The following GMPS variants were observed in gnomAD, a reference collection of about 807,000 sequenced individuals.
The protein encoded by GMPS is guanosine monophosphate synthase, also known as GMP synthase [glutamine-hydrolyzing].
A neutral mutation model predicts 77.9 loss-of-function variants in GMPS; 15 were observed. That is an observed-to-expected ratio of 0.19 (90% CI 0.13 to 0.30). The LOEUF (loss-of-function observed/expected upper bound fraction) is 0.30. Ranked by LOEUF, GMPS falls within the 10% of genes least tolerant of loss-of-function variation. The pLI, the probability that GMPS is intolerant of heterozygous loss-of-function variation, is 1.00. For synonymous variants in GMPS, 224 were observed against 275.9 expected (o/e 0.81, Z 1.86); for missense variants, 590 against 838.8 (o/e 0.70, Z 3.66).
chr3:155,874,101 G>A (rs1334680846), intron 1 of GMPS, among the ~76,000 whole-genome samples: 6 of 152,170 alleles, frequency 3.9e-5, no homozygotes, highest in Admixed American at 3.9e-4. Flanking sequence ...CATCCTCACA[G>A]CATAGGTGAT....
upstream of GMPS, chr3:155,870,521 C>A: frequency 4.2e-6 from 1 of 236,232 alleles, no homozygotes. Flanking sequence ...CCGGGCGCCG[C>A]GAGCCCCTCC....
Position 155,897,996 on chromosome 3 carries a change from A to G in GMPS, c.279A>G (p.Ile93Met), listed in dbSNP as rs201129196. ...AEDAPWFDPA[I>M]FTIGKPVLGI... ...ATGCTCCCTGGTTTGATCCAGCAATATTCACTATTGGCAAGCCTGTTCTTG... is the reference window on the plus strand; with the variant it reads ...ATGCTCCCTGGTTTGATCCAGCAATGTTCACTATTGGCAAGCCTGTTCTTG... The change falls in exon 3 of 16, where the codon ATA becomes ATG. Residue 93 changes from isoleucine (I) to methionine (M), a missense_variant. Physicochemically the swap from Ile to Met is conservative, Grantham distance 10. Coordinates refer to ENST00000496455, the MANE Select transcript of GMPS (RefSeq NM_003875.3). 155 of 1,611,314 alleles carry G rather than the reference A, an allele frequency of 9.6e-5. No individual in the cohort carries two copies. In the African/African-American group the frequency reaches 1.9e-3, roughly 20 times the overall value.
chr3:155,900,672 G>T (rs1754714161), intron 3 of GMPS, among the ~76,000 whole-genome samples: 2 of 152,088 alleles, frequency 1.3e-5, no homozygotes, highest in African/African-American at 4.8e-5. Flanking sequence ...CATTCACTAG[G>T]ATGTTTTATA....
intron 1 of GMPS, among the ~76,000 whole-genome samples, chr3:155,887,658 T>A (rs962075389): frequency 1.3e-5 from 2 of 152,236 alleles, no homozygotes; most frequent in Non-Finnish European, 1.5e-5. Context: ...GGGAAACTTA[T>A]ATGTAGATAA....
At chr3:155,922,870 G>T (rs116742564) in intron 11 of GMPS, among the ~76,000 whole-genome samples, 1 of 152,146 alleles carries the variant, frequency 6.6e-6, no homozygotes, top group East Asian at 1.9e-4. Context: ...AAATTGCAAC[G>T]AAATAATTTT....
intron 14 of GMPS, 118 bp from the exon 15 acceptor site, chr3:155,936,220 C>T (rs928793790): frequency 1.1e-5 from 7 of 658,796 alleles, no homozygotes; most frequent in African/African-American, 1.8e-5. Flanking sequence ...TGATGACAGT[C>T]TTAACTACGC....
intron 12 of GMPS, 33 bp downstream of exon 12, chr3:155,925,399 A>AC (rs1180038031): frequency 2.7e-6 from 4 of 1,488,956 alleles, no homozygotes; most frequent in Non-Finnish European, 3.6e-6. Flanking sequence ...CCAGTGATAT[A>AC]CTTTTTTTTT....
chr3:155,908,513 G>C (rs890124452), intron 5 of GMPS, among the ~76,000 whole-genome samples: 1 of 152,224 alleles, frequency 6.6e-6, no homozygotes, highest in African/African-American at 2.4e-5. Flanking sequence ...AGAAGAGGAA[G>C]TTGTTAGGAC....
intron 5 of GMPS, among the ~76,000 whole-genome samples, chr3:155,909,401 A>G (rs890492178): frequency 1.1e-4 from 16 of 152,230 alleles, no homozygotes; most frequent in African/African-American, 3.6e-4. Context: ...TTTGAAAGCC[A>G]TGTGCAACTG....
chr3:155,931,931 T>C, intron 13 of GMPS, 51 bp downstream of exon 13: 1 of 815,168 alleles, frequency 1.2e-6, no homozygotes, highest in Non-Finnish European at 2.1e-6. Flanking sequence ...AAGGATGTAT[T>C]TCTTAAGGGC....
At chr3:155,918,119 C>T in intron 9 of GMPS, among the ~76,000 whole-genome samples, 1 of 151,902 alleles carries the variant, frequency 6.6e-6, no homozygotes, top group East Asian at 1.9e-4. Context: ...TTGTTATTTT[C>T]TATTTTTTTA....
chr3:155,918,910 A>G (rs1755252100), intron 9 of GMPS, among the ~76,000 whole-genome samples: 1 of 152,168 alleles, frequency 6.6e-6, no homozygotes. Flanking sequence ...GGAGAATTAT[A>G]ATTTTGGAAC....
At chr3:155,921,456 A>G (rs973251998) in intron 10 of GMPS, among the ~76,000 whole-genome samples, 2 of 152,210 alleles carry the variant, frequency 1.3e-5, no homozygotes, top group Non-Finnish European at 2.9e-5. Context: ...GGATGAGCAC[A>G]TATGTTATAA....
chr3:155,878,856 ATT>A (rs1754128790), intron 1 of GMPS, among the ~76,000 whole-genome samples: 2 of 151,570 alleles, frequency 1.3e-5, no homozygotes, highest in South Asian at 4.2e-4. Flanking sequence ...CCATGGTGTA[ATT>A]CTCAGTGTGA....
At chr3:155,904,050 C>A in intron 4 of GMPS, 90 bp downstream of exon 4, 1 of 609,666 alleles carries the variant, frequency 1.6e-6, no homozygotes, top group South Asian at 2.4e-5. Context: ...TTCTATAATT[C>A]ATAAACAAAA....
intron 1 of GMPS, 102 bp downstream of exon 1, chr3:155,870,999 C>G (rs1446160502): frequency 8.0e-6 from 9 of 1,121,384 alleles, no homozygotes; most frequent in East Asian, 3.2e-5. Context: ...TCCCCCAGCC[C>G]GTCCGCGCAG....
chr3:155,906,396 TAATG>T, intron 5 of GMPS, 133 bp downstream of exon 5: 4 of 539,918 alleles, frequency 7.4e-6, no homozygotes, highest in Middle Eastern at 3.8e-4. Flanking sequence ...TTAAAGATAA[TAATG>T]AATGTAGGAT....
At chr3:155,885,276 G>A (rs2108060863) in intron 1 of GMPS, among the ~76,000 whole-genome samples, 1 of 152,222 alleles carries the variant, frequency 6.6e-6, no homozygotes, top group East Asian at 1.9e-4. Flanking sequence ...TTTATTGAAG[G>A]CACTCCCATA....
chr3:155,915,712 A>G (rs1755161614), intron 8 of GMPS, among the ~76,000 whole-genome samples: 1 of 148,948 alleles, frequency 6.7e-6, no homozygotes, highest in Non-Finnish European at 1.5e-5. Context: ...AATTTTGTAT[A>G]TTTAGTAGAG....
Sources: gnomAD v4.1 joint callset for allele counts (sites outside exome capture counted in the v4.1 genomes callset) on GRCh38, gnomAD v4.1.1 for gene constraint, MANE v1.5 for transcripts, NCBI Gene and HGNC (gene_info 2026-07-23, HGNC 2026-07-21) for gene names.